Variants in BTBD9 observed in about 807,000 individuals in gnomAD.
The protein encoded by BTBD9 is BTB/POZ domain-containing protein 9.
BTBD9 carries 49 observed loss-of-function variants against 64.3 expected under a neutral mutation model. The ratio of observed to expected loss-of-function variants is 0.76; its 90% confidence interval spans 0.61 to 0.97. BTBD9 has a LOEUF of 0.97. Ranked by LOEUF, BTBD9 falls within the 50% of genes least tolerant of loss-of-function variation. BTBD9 has a pLI of 0.00. For synonymous variants in BTBD9, 260 were observed against 274.7 expected (o/e 0.95, Z 0.53); for missense variants, 598 against 762.1 (o/e 0.78, Z 2.53).
At chr6:38,453,948 C>A (rs937610115) in intron 6 of BTBD9, among the ~76,000 whole-genome samples, 1 of 152,066 alleles carries the variant, frequency 6.6e-6, no homozygotes, top group African/African-American at 2.4e-5. Context: ...CGATACACAC[C>A]ACACCAGGTC....
intron 1 of BTBD9, among the ~76,000 whole-genome samples, chr6:38,628,952 A>G (rs1222694140): frequency 6.6e-6 from 1 of 152,166 alleles, no homozygotes; most frequent in East Asian, 1.9e-4. Context: ...TAAGAAAGTG[A>G]TCAAAGAATC....
intron 1 of BTBD9, among the ~76,000 whole-genome samples, chr6:38,605,950 A>G (rs1023423525): frequency 1.3e-5 from 2 of 152,222 alleles, no homozygotes; most frequent in African/African-American, 4.8e-5. Flanking sequence ...CCTACCCTCA[A>G]TCTGAGTAGG....
chr6:38,310,858 T>A (rs761358566), intron 7 of BTBD9, among the ~76,000 whole-genome samples: 21 of 152,234 alleles, frequency 1.4e-4, no homozygotes, highest in Non-Finnish European at 2.8e-4. Context: ...TCACCCAGGC[T>A]GGAGTGCAGT....
chr6:38,205,460 A>G (rs546423743), intron 9 of BTBD9, among the ~76,000 whole-genome samples: 3 of 152,326 alleles, frequency 2.0e-5, no homozygotes, highest in East Asian at 3.9e-4. Flanking sequence ...GACAAAGTAA[A>G]TGAAGTATGA....
chr6:38,403,044 G>T, intron 6 of BTBD9: 3 of 247,130 alleles, frequency 1.2e-5, no homozygotes, highest in East Asian at 1.6e-4. Context: ...CAGCCTGGGT[G>T]ATAGAGTGAA....
At chr6:38,372,101 A>G (rs1255159962) in intron 6 of BTBD9, among the ~76,000 whole-genome samples, 1 of 152,186 alleles carries the variant, frequency 6.6e-6, no homozygotes, top group Non-Finnish European at 1.5e-5. Context: ...AATGCACATA[A>G]TTCACCATCT....
Position 38,628,909 on chromosome 6 carries a change from G to T in BTBD9, c.-28+10891C>A, listed in dbSNP as rs1778268771. Among the ~76,000 whole-genome samples, 3 of 152,032 alleles carry T rather than the reference G, an allele frequency of 2.0e-5. No homozygotes were observed. In the South Asian group the frequency reaches 6.2e-4, roughly 32 times the overall value. On this transcript the variant is annotated intron_variant, in intron 1 of 10. Transcript: ENST00000481247. ...CAGGGAAGGGGTAGGGAAAATATGAGATAAACCTGGTCTCTCTTGTTGTGC... is the reference window on the plus strand; with the variant it reads ...CAGGGAAGGGGTAGGGAAAATATGATATAAACCTGGTCTCTCTTGTTGTGC...
In BTBD9 at chr6:38,386,729, G is replaced by A. The variant is rs111378925; in HGVS notation, c.1155-41636C>T. 6.5e-3 allele frequency among the ~76,000 whole-genome samples: 918 copies of A among 140,572 alleles called. 6 individuals carry two copies. Among genetic ancestry groups the A allele is most frequent in the African/African-American group, 0.023 (841 of 36,898 alleles). The allele number at this position is 140,572 out of a possible 152,430, so 92.2% of individuals were successfully genotyped here. A position where few individuals can be genotyped will look rare whatever the true frequency, so the allele number is the denominator to read the frequency against. On this transcript the variant is annotated intron_variant, in intron 6 of 10. Transcript: ENST00000481247. Reference sequence around the variant, plus strand: ...ATGATCTTGGTGTTCTGCAACCTCTGCCTCCCAGGCTCAAGCAATCCTCCC... The same window carrying A: ...ATGATCTTGGTGTTCTGCAACCTCTACCTCCCAGGCTCAAGCAATCCTCCC...
chr6:38,541,885 A>G (rs536066611), intron 6 of BTBD9, among the ~76,000 whole-genome samples: 50 of 152,344 alleles, frequency 3.3e-4, no homozygotes, highest in South Asian at 8.3e-4. Context: ...ATATGAGTAG[A>G]AATTCTAAGG....
intron 6 of BTBD9, among the ~76,000 whole-genome samples, chr6:38,575,971 G>A (rs1437723414): frequency 1.3e-5 from 2 of 152,114 alleles, no homozygotes; most frequent in African/African-American, 4.8e-5. Flanking sequence ...CTAAAAGCCA[G>A]AGATCATGAT....
chr6:38,552,292 C>G (rs1774836724), intron 6 of BTBD9, among the ~76,000 whole-genome samples: 1 of 152,110 alleles, frequency 6.6e-6, no homozygotes. Context: ...AAAGAGAGAA[C>G]AAGAATGAGA....
intron 6 of BTBD9, among the ~76,000 whole-genome samples, chr6:38,498,201 C>T (rs1772041081): frequency 6.6e-6 from 1 of 152,176 alleles, no homozygotes; most frequent in African/African-American, 2.4e-5. Context: ...TCTATAATAT[C>T]TAAAACCAAA....
Position 38,309,601 on chromosome 6 carries a change from C to T in BTBD9, c.1265-21140G>A, listed in dbSNP as rs577504263. Among the ~76,000 whole-genome samples the T allele has an allele frequency of 1.8e-3, 277 of 151,660 alleles. 1 individual carries two copies. Among genetic ancestry groups the T allele is most frequent in the Non-Finnish European group, 1.8e-3 (119 of 67,876 alleles). The stretch of plus-strand genomic sequence containing the variant: ...CTAACTTTTGTATTTTTAGTAGAGA[C>T]GGGGTTTCACCATGTTGGCCAGGAT... On this transcript the variant is annotated intron_variant, in intron 7 of 10. Transcript: ENST00000481247.
At chr6:38,510,865 T>A (rs558508600) in intron 6 of BTBD9, among the ~76,000 whole-genome samples, 1 of 152,344 alleles carries the variant, frequency 6.6e-6, no homozygotes, top group East Asian at 1.9e-4. Flanking sequence ...TCATCTCCTA[T>A]GATAACAATG....
chr6:38,286,852 C>A (rs527677333), intron 8 of BTBD9, among the ~76,000 whole-genome samples: 2 of 151,840 alleles, frequency 1.3e-5, no homozygotes, highest in African/African-American at 4.8e-5. Context: ...GAGGCCGAGG[C>A]GGGCTGATCA....
chr6:38,289,335 C>T (rs1372413455), intron 7 of BTBD9, among the ~76,000 whole-genome samples: 3 of 152,176 alleles, frequency 2.0e-5, no homozygotes, highest in South Asian at 4.1e-4. Flanking sequence ...GGTCATGCCA[C>T]TGTCCTCCAG....
intron 6 of BTBD9, among the ~76,000 whole-genome samples, chr6:38,364,126 T>C (rs750132319): frequency 6.6e-6 from 1 of 152,032 alleles, no homozygotes; most frequent in Non-Finnish European, 1.5e-5. Context: ...GAGAACCTAA[T>C]GTAGCATTAA....
At chr6:38,548,483 A>G (rs893389920) in intron 6 of BTBD9, among the ~76,000 whole-genome samples, 4 of 152,098 alleles carry the variant, frequency 2.6e-5, no homozygotes, top group Non-Finnish European at 5.9e-5. Flanking sequence ...ACATTTTTTC[A>G]AGTCATTTTT....
chr6:38,169,176 TG>T lies in BTBD9; in HGVS notation c.*5808del, dbSNP rs1000511493. ...CCTGGAAGCAGCTGATTGAGGGGCC[TG>T]GGAAGACCCCATGGCCTCCAGCAGG... On this transcript the variant is annotated 3_prime_UTR_variant, in exon 11 of 11. Transcript: ENST00000481247. 2.0e-5 allele frequency: 3 copies of T among 152,464 alleles called. No homozygotes were observed. Among genetic ancestry groups the T allele is most frequent in the Admixed American group, 2.0e-4 (3 of 15,308 alleles). 9.4% of individuals were successfully genotyped at this position (152,464 alleles called of 1,614,324 possible).
Sources: allele counts gnomAD v4.1 joint callset (sites outside exome capture counted in the v4.1 genomes callset), GRCh38; gene constraint gnomAD v4.1.1; transcripts MANE v1.5; gene names NCBI Gene and HGNC (gene_info 2026-07-23, HGNC 2026-07-21).